Variants in SLCO1A2 observed in about 807,000 individuals in gnomAD.
The protein encoded by SLCO1A2 is solute carrier organic anion transporter family member 1A2, also known as OATP-1.
In SLCO1A2, 67 loss-of-function variants were observed where a neutral mutation model predicts 69.0. The observed-to-expected ratio is 0.97, with a 90% CI of 0.80 to 1.19. The LOEUF is 1.19. Among genes scored for constraint, SLCO1A2 ranks in the 50% most tolerant of loss-of-function variants. The probability of loss-of-function intolerance (pLI) is 0.00; values close to 1 mark genes in which losing one functional copy is unlikely to be tolerated. For missense variants in SLCO1A2, 787 were observed against 793.7 expected (o/e 0.99, Z 0.10); for synonymous variants, 260 against 265.9 (o/e 0.98, Z 0.22).
chr12:21,340,672 A>C (rs1953037640), intron 2 of SLCO1A2, among the ~76,000 whole-genome samples: 1 of 151,926 alleles, frequency 6.6e-6, no homozygotes, highest in South Asian at 2.1e-4. Context: ...TGGATCCTCT[A>C]ATTTAAGCCA....
chr12:21,389,998 T>C (rs1323293903), intron 1 of SLCO1A2, among the ~76,000 whole-genome samples: 1 of 151,444 alleles, frequency 6.6e-6, no homozygotes, highest in East Asian at 1.9e-4. Context: ...ACAATTACTT[T>C]TGCACTAGCC....
intron 1 of SLCO1A2, among the ~76,000 whole-genome samples, chr12:21,388,643 G>A (rs10841800): frequency 0.11 from 16,451 of 151,944 alleles, 1,127 homozygotes; most frequent in East Asian, 0.38. Flanking sequence ...GTATGAAAAT[G>A]GACTAATACA....
At chr12:21,389,006 G>A (rs892574737) in intron 1 of SLCO1A2, among the ~76,000 whole-genome samples, 16 of 152,150 alleles carry the variant, frequency 1.1e-4, no homozygotes, top group Non-Finnish European at 2.1e-4. Flanking sequence ...AAGACACAAT[G>A]TACTGAGCCT....
chr12:21,304,459 A>C lies in SLCO1A2; in HGVS notation c.557T>G (p.Phe186Cys), dbSNP rs1949100129. Residue 186 changes from phenylalanine (F) to cysteine (C), a missense_variant, in exon 6 of 15, where the codon TTT becomes TGT. By Grantham distance (205) the Phe-to-Cys change is radical. Transcript: ENST00000683939. ...LPLGISYIED[F>C]AKFENSPLYI... ...TAAAGGAGAATTTTCAAATTTGGCA[A>C]AATCTTCTATATAGGAAATACCCAA... The C allele has an allele frequency of 1.2e-6, 2 of 1,612,692 alleles. No homozygotes were observed. The highest frequency in any genetic ancestry group is 1.3e-5 in the African/African-American group (1 of 74,866).
intron 2 of SLCO1A2, among the ~76,000 whole-genome samples, chr12:21,352,022 A>T (rs568737513): frequency 1.3e-5 from 2 of 152,160 alleles, no homozygotes; most frequent in Non-Finnish European, 2.9e-5. Context: ...GCATAAACGA[A>T]ATCTCGGAAT....
intron 2 of SLCO1A2, among the ~76,000 whole-genome samples, chr12:21,349,385 A>G (rs1319510161): frequency 6.6e-6 from 1 of 152,194 alleles, no homozygotes; most frequent in East Asian, 1.9e-4. Context: ...ATAAGAATCA[A>G]CAAATTCTCC....
At chr12:21,318,415 G>C (rs544254265) in intron 3 of SLCO1A2, among the ~76,000 whole-genome samples, 1 of 152,072 alleles carries the variant, frequency 6.6e-6, no homozygotes, top group South Asian at 2.1e-4. Flanking sequence ...CACCTCGCCC[G>C]GCGGTCTTCT....
upstream of SLCO1A2, among the ~76,000 whole-genome samples, chr12:21,397,338 G>A (rs1340115137): frequency 2.0e-4 from 31 of 151,974 alleles, no homozygotes; most frequent in Admixed American, 1.2e-3. Flanking sequence ...CTAAATATAT[G>A]TGCACCCAAT....
chr12:21,295,686 T>C lies in SLCO1A2; in HGVS notation c.1182A>G (p.Leu394=), dbSNP rs911078453. The C allele has an allele frequency of 6.2e-7, 1 of 1,608,236 alleles. No homozygotes were observed. The highest frequency in any genetic ancestry group is 1.1e-5 in the South Asian group (1 of 90,906). The change falls in exon 10 of 15, where the codon TTA becomes TTG. Residue 394 remains leucine (L), a synonymous_variant. Transcript: ENST00000683939. ...VKQAAHIGCW[L]SLLEYLLYFL... ...AATAGAGAAGATACTCAAGTAAGGATAACCAACATCCTATGTGGGCAGCTT... is the reference window on the plus strand; with the variant it reads ...AATAGAGAAGATACTCAAGTAAGGACAACCAACATCCTATGTGGGCAGCTT...
At chr12:21,296,297 G>C (rs150012482) in intron 9 of SLCO1A2, among the ~76,000 whole-genome samples, 26 of 152,112 alleles carry the variant, frequency 1.7e-4, no homozygotes, top group African/African-American at 6.3e-4. Context: ...CTGGAGTGCA[G>C]TGATATGATC....
chr12:21,398,051 C>CA (rs1328480847), upstream of SLCO1A2, among the ~76,000 whole-genome samples: 36 of 125,344 alleles, frequency 2.9e-4, no homozygotes, highest in African/African-American at 9.9e-4. Flanking sequence ...AATAGAGACA[C>CA]AAAAAACCCT....
At chr12:21,397,288 A>G (rs1941503756), upstream of SLCO1A2, among the ~76,000 whole-genome samples, 1 of 151,820 alleles carries the variant, frequency 6.6e-6, no homozygotes, top group African/African-American at 2.4e-5. Context: ...GCCATTACAT[A>G]ATGGTAAAGG....
At chr12:21,319,255 A>G in intron 2 of SLCO1A2, 2 of 1,041,412 alleles carry the variant, frequency 1.9e-6, no homozygotes, top group Non-Finnish European at 2.7e-6. Flanking sequence ...TCTAAAGTAC[A>G]AAAGAATTCA....
At chr12:21,318,130 T>C (rs1207158807) in intron 3 of SLCO1A2, among the ~76,000 whole-genome samples, 1 of 131,354 alleles carries the variant, frequency 7.6e-6, no homozygotes, top group Non-Finnish European at 1.7e-5. Context: ...TACCTTTTCT[T>C]TTTTTTTTTT....
intron 12 of SLCO1A2, among the ~76,000 whole-genome samples, chr12:21,284,461 A>C (rs1238118812): frequency 2.0e-5 from 3 of 152,092 alleles, no homozygotes; most frequent in Non-Finnish European, 4.4e-5. Flanking sequence ...ACAGAAAGTT[A>C]ACAAGGATAC....
intron 2 of SLCO1A2, among the ~76,000 whole-genome samples, chr12:21,350,835 C>CAAAA (rs11454466): frequency 0.031 from 1,271 of 40,690 alleles, 463 homozygotes; most frequent in East Asian, 0.21. Context: ...GACTCTGTCT[C>CAAAA]AAAAAAAAAA....
intron 2 of SLCO1A2, among the ~76,000 whole-genome samples, chr12:21,370,341 T>A (rs996035163): frequency 2.0e-5 from 3 of 152,034 alleles, no homozygotes; most frequent in African/African-American, 4.8e-5. Context: ...CTTTTTTTTT[T>A]ATTATACTTT....
At chr12:21,306,735 C>A in intron 5 of SLCO1A2, 147 bp downstream of exon 5, 2 of 522,816 alleles carry the variant, frequency 3.8e-6, no homozygotes, top group South Asian at 3.5e-5. Context: ...TTCTTATTGC[C>A]CATTGTAACT....
chr12:21,403,514 AAGG>A (rs1941771046), intron 1 of SLCO1A2: 2 of 152,124 alleles, frequency 1.3e-5, no homozygotes, highest in African/African-American at 2.4e-5. Context: ...CAGTATGAAT[AAGG>A]CACCTCAAAC....
Sources: allele counts gnomAD v4.1 joint callset (sites outside exome capture counted in the v4.1 genomes callset), GRCh38; gene constraint gnomAD v4.1.1; transcripts MANE v1.5; gene names NCBI Gene and HGNC (gene_info 2026-07-23, HGNC 2026-07-21).